Variants in MACROD2 observed in about 807,000 individuals in gnomAD.
MACROD2 encodes the protein ADP-ribose glycohydrolase MACROD2.
Under a neutral mutation model 70.4 loss-of-function variants are expected in MACROD2, and 36 were observed. The ratio of observed to expected loss-of-function variants is 0.51; its 90% CI spans 0.39 to 0.68. MACROD2 has a LOEUF of 0.68. MACROD2 is among the 30% of genes least tolerant of loss of function. The pLI, the probability that MACROD2 is intolerant of heterozygous loss-of-function variation, is 0.00. For missense variants in MACROD2, 496 were observed against 538.4 expected, an observed-to-expected ratio of 0.92 and a Z score of 0.78; for synonymous variants, 172 against 178.8, an observed-to-expected ratio of 0.96 and a Z score of 0.30.
chr20:14,845,162 A>G (rs2122289494), intron 5 of MACROD2, among the ~76,000 whole-genome samples: 1 of 152,114 alleles, frequency 6.6e-6, no homozygotes, highest in South Asian at 2.1e-4. Flanking sequence ...TCACTTTATG[A>G]TTTCTCGTAT....
chr20:15,869,238 T>TATATATATATATATAGAGAGAG, intron 9 of MACROD2, among the ~76,000 whole-genome samples: 35 of 28,282 alleles, frequency 1.2e-3, no homozygotes, highest in African/African-American at 1.8e-3. Flanking sequence ...TATATATATA[T>TATATATATATATATAGAGAGAG]AGAGAGAGAG....
At chr20:15,315,882 C>T (rs186818927) in intron 6 of MACROD2, among the ~76,000 whole-genome samples, 1 of 151,642 alleles carries the variant, frequency 6.6e-6, no homozygotes, top group Admixed American at 6.6e-5. Context: ...TGGTTAATTG[C>T]CTCACAGTGC....
At chr20:15,561,340 C>T (rs957870165) in intron 8 of MACROD2, among the ~76,000 whole-genome samples, 42 of 152,208 alleles carry the variant, frequency 2.8e-4, no homozygotes, top group African/African-American at 9.9e-4. Context: ...TCCTCAGGAT[C>T]TGTAGATTAG....
intron 8 of MACROD2, among the ~76,000 whole-genome samples, chr20:15,681,747 C>T (rs2146859195): frequency 6.6e-6 from 1 of 152,268 alleles, no homozygotes; most frequent in South Asian, 2.1e-4. Context: ...ATCAGAGTTT[C>T]ATCGTGACGA....
chr20:15,170,952 T>C (rs1182105864), intron 5 of MACROD2, among the ~76,000 whole-genome samples: 3 of 152,156 alleles, frequency 2.0e-5, no homozygotes, highest in East Asian at 1.9e-4. Context: ...GCAGTTAGCC[T>C]GGGTGGAAAG....
intron 4 of MACROD2, among the ~76,000 whole-genome samples, chr20:14,672,019 T>C (rs948495560): frequency 6.6e-5 from 10 of 152,230 alleles, no homozygotes; most frequent in Non-Finnish European, 1.0e-4. Flanking sequence ...TTGTTTTGTG[T>C]CTTCCTTTGA....
chr20:14,510,320 T>C (rs1202169598), intron 4 of MACROD2, among the ~76,000 whole-genome samples: 1 of 130,112 alleles, frequency 7.7e-6, no homozygotes, highest in East Asian at 2.2e-4. Context: ...TGTTGTGTAA[T>C]TCCATGGTAA....
chr20:15,057,763 T>TTCCCTTCCCCTGTAGTCTTTCA (rs2075498298), intron 5 of MACROD2, among the ~76,000 whole-genome samples: 1 of 152,178 alleles, frequency 6.6e-6, no homozygotes, highest in Non-Finnish European at 1.5e-5. Context: ...TATCAATTTC[T>TTCCCTTCCCCTGTAGTCTTTCA]TCCCTTCCCC....
At chr20:14,348,880 C>T (rs1432558994) in intron 3 of MACROD2, among the ~76,000 whole-genome samples, 1 of 152,058 alleles carries the variant, frequency 6.6e-6, no homozygotes. Flanking sequence ...CTAGCTTGGG[C>T]AACATGATGA....
chr20:15,590,091 A>AC (rs1161167369), intron 8 of MACROD2, among the ~76,000 whole-genome samples: 1 of 152,236 alleles, frequency 6.6e-6, no homozygotes, highest in Non-Finnish European at 1.5e-5. Context: ...AATACTTAGT[A>AC]TATTATAAAA....
intron 5 of MACROD2, among the ~76,000 whole-genome samples, chr20:14,867,591 T>C (rs891501256): frequency 6.6e-6 from 1 of 152,168 alleles, no homozygotes; most frequent in African/African-American, 2.4e-5. Context: ...ACCAGCCTTC[T>C]ATCTACATCT....
chr20:14,147,191 T>A (rs536473107), intron 3 of MACROD2, among the ~76,000 whole-genome samples: 2 of 152,304 alleles, frequency 1.3e-5, no homozygotes, highest in Non-Finnish European at 2.9e-5. Flanking sequence ...GCTTCTTTTT[T>A]ATAGATGAGC....
chr20:15,329,344 T>C (rs1032406090), intron 6 of MACROD2, among the ~76,000 whole-genome samples: 3 of 152,134 alleles, frequency 2.0e-5, no homozygotes, highest in African/African-American at 7.2e-5. Context: ...ACGTTTGGAA[T>C]CTGGAGATCT....
At chr20:14,873,510 G>A (rs1030266453) in intron 5 of MACROD2, among the ~76,000 whole-genome samples, 1 of 152,110 alleles carries the variant, frequency 6.6e-6, no homozygotes. Flanking sequence ...CAGATGATGG[G>A]ATTTGAGGTG....
intron 5 of MACROD2, among the ~76,000 whole-genome samples, chr20:14,805,684 TGCCA>T (rs1348925491): frequency 3.3e-5 from 5 of 152,090 alleles, no homozygotes; most frequent in African/African-American, 1.2e-4. Flanking sequence ...TATGCTATTA[TGCCA>T]GCCATAGTGG....
At chr20:14,671,298 T>C (rs1057170458) in intron 4 of MACROD2, among the ~76,000 whole-genome samples, 2 of 152,182 alleles carry the variant, frequency 1.3e-5, no homozygotes, top group African/African-American at 2.4e-5. Flanking sequence ...GAAAAATACA[T>C]CTTTAACATA....
intron 8 of MACROD2, among the ~76,000 whole-genome samples, chr20:15,686,872 CAAAA>C (rs142175244): frequency 7.2e-5 from 5 of 69,306 alleles, no homozygotes; most frequent in Non-Finnish European, 9.6e-5. Flanking sequence ...GACTCCATCT[CAAAA>C]AAAAAAAAAA....
At chr20:14,282,594 G>A (rs892930524) in intron 3 of MACROD2, among the ~76,000 whole-genome samples, 1 of 152,174 alleles carries the variant, frequency 6.6e-6, no homozygotes, top group Non-Finnish European at 1.5e-5. Flanking sequence ...TTAAATACCG[G>A]AGACTGGGTA....
At chr20:14,593,283 G>GTACA (rs1981904342) in intron 4 of MACROD2, among the ~76,000 whole-genome samples, 1 of 152,174 alleles carries the variant, frequency 6.6e-6, no homozygotes, top group African/African-American at 2.4e-5. Context: ...GTTTTTAAGA[G>GTACA]TACAGATTGT....
Sources: gnomAD v4.1 joint callset for allele counts (sites outside exome capture counted in the v4.1 genomes callset) on GRCh38, gnomAD v4.1.1 for gene constraint, MANE v1.5 for transcripts, NCBI Gene and HGNC (gene_info 2026-07-23, HGNC 2026-07-21) for gene names.